The following ACP4 variants were observed in gnomAD, a reference collection of about 807,000 sequenced individuals.
ACP4 encodes testicular acid phosphatase.
ACP4 carries 49 observed loss-of-function variants against 47.3 expected under a neutral mutation model. The ratio of observed to expected loss-of-function variants is 1.04; its 90% CI spans 0.82 to 1.32. ACP4 has a LOEUF of 1.32. Ranked by LOEUF, ACP4 falls within the 40% of genes most tolerant of loss-of-function variation. The pLI is 0.00. For missense variants in ACP4, 594 were observed against 579.3 expected (o/e 1.03, Z -0.26); for synonymous variants, 299 against 265.3 (o/e 1.13, Z -1.23).
intron 6 of ACP4, chr19:50,793,401 G>T: frequency 2.4e-6 from 1 of 422,782 alleles, no homozygotes; most frequent in Non-Finnish European, 4.3e-6. Flanking sequence ...TGTAATCACA[G>T]CTACTTGGGA....
At chr19:50,793,371 C>A in intron 6 of ACP4, 1 of 304,174 alleles carries the variant, frequency 3.3e-6, no homozygotes, top group Admixed American at 4.6e-5. Flanking sequence ...AAAAATTAGC[C>A]AGGAATGGTG....
chr19:50,794,170 G>T (rs762444463), intron 8 of ACP4, among the ~76,000 whole-genome samples, 200 bp downstream of exon 8: 1 of 152,228 alleles, frequency 6.6e-6, no homozygotes, highest in Admixed American at 6.5e-5. Context: ...AAGAATTTAT[G>T]AATAAATATA....
Position 50,791,803 on chromosome 19 carries a change from G to A in ACP4, c.450+1G>A. ...CACGGTGCCCGTGGCTGAGGATAAG[G>A]TCAGGGGGCTGGACCCACGTGTGGC... On this transcript the variant is annotated splice_donor_variant, in intron 4 of 10. Coordinates refer to ENST00000270593, the MANE Select transcript of ACP4 (RefSeq NM_033068.3). LOFTEE classifies it high-confidence loss of function. The A allele has an allele frequency of 6.3e-7, 1 of 1,597,780 alleles. No individual in the cohort carries two copies. Among genetic ancestry groups the A allele is most frequent in the Non-Finnish European group, 8.5e-7 (1 of 1,171,892 alleles).
Position 50,794,513 on chromosome 19 carries a change from C to T in ACP4, c.918C>T (p.Thr306=), listed in dbSNP as rs1271656331. ...CCCTGGGCCTCTATGATGGACACAC[C>T]CCGCCATATGCTGCCTGCCTCGGCT... The part of the protein sequence containing the change: ...QGALGLYDGH[T]PPYAACLGFE... Residue 306 remains threonine, a synonymous_variant, in exon 9 of 11, where the codon ACC becomes ACT. Coordinates refer to ENST00000270593, the MANE Select transcript of ACP4 (RefSeq NM_033068.3). 3 of 1,613,944 alleles carry T rather than the reference C, an allele frequency of 1.9e-6. No homozygotes were observed. The highest frequency in any genetic ancestry group is 2.7e-5 in the African/African-American group (2 of 75,014).
At chr19:50,794,101 C>T in intron 8 of ACP4, 131 bp downstream of exon 8, 7 of 1,074,230 alleles carry the variant, frequency 6.5e-6, no homozygotes, top group Admixed American at 3.9e-5. Flanking sequence ...TATCTCCAAA[C>T]CCTACTCTCA....
rs749210657 is a variant in ACP4 at position 50,794,937 on chromosome 19, G to A, written c.1138G>A (p.Gly380Ser). 2 of 1,613,078 alleles carry A rather than the reference G, an allele frequency of 1.2e-6. No individual in the cohort carries two copies. Among genetic ancestry groups the A allele is most frequent in the African/African-American group, 2.7e-5 (2 of 74,922 alleles). The change falls in exon 10 of 11, where the codon GGC becomes AGC. Residue 380 changes from glycine to serine, a missense_variant. Coordinates refer to ENST00000270593, the MANE Select transcript of ACP4 (RefSeq NM_033068.3). ...TCCCGCCCATGGGGTCTCCTGCCAT[G>A]GCCCCTATGAGGCTGCCATCCCCCC... The part of the protein sequence containing the change: ...RPPAHGVSCH[G>S]PYEAAIPPAP...
chr19:50,790,657 G>A lies in ACP4; in HGVS notation c.175G>A (p.Ala59Thr). The A allele has an allele frequency of 6.8e-7, 1 of 1,470,554 alleles. No homozygotes were observed. Among genetic ancestry groups the A allele is most frequent in the Non-Finnish European group, 9.1e-7 (1 of 1,101,312 alleles). The allele number at this position is 1,470,554 out of a possible 1,614,324, so 91.1% of individuals were successfully genotyped here. The change falls in exon 2 of 11, where the codon GCC becomes ACC. Residue 59 changes from alanine (A) to threonine (T), a missense_variant. By Grantham distance (58) the Ala-to-Thr change is moderately conservative. Transcript: ENST00000270593. ...CCCCATGGACCCACACAAGGAGGTGGCCTCCACCCTGTGGCCACGAGGCCT... is the reference window on the plus strand; with the variant it reads ...CCCCATGGACCCACACAAGGAGGTGACCTCCACCCTGTGGCCACGAGGCCT... ...SYPMDPHKEV[A>T]STLWPRGLGQ...
At position 50,794,836 on chromosome 19, in the gene ACP4, T is replaced by C. The variant is rs769298249; in HGVS notation, c.1037T>C (p.Leu346Pro). The C allele has an allele frequency of 4.3e-6, 7 of 1,613,110 alleles. No individual in the cohort carries two copies. The highest frequency in any genetic ancestry group is 5.9e-6 in the Non-Finnish European group (7 of 1,179,636). The change falls in exon 10 of 11, where the codon CTG becomes CCG. Residue 346 changes from leucine to proline, a missense_variant. Transcript: ENST00000270593. ...CGCAATGACTCCGCCCACCTGCCCC[T>C]GCCTCTCAGCCTCCCCGGGTGCCCG... The part of the protein sequence containing the change: ...FYRNDSAHLP[L>P]PLSLPGCPAP...
chr19:50,792,019 T>C, intron 4 of ACP4, 54 bp from the exon 5 acceptor site: 1 of 1,516,118 alleles, frequency 6.6e-7, no homozygotes, highest in Non-Finnish European at 8.9e-7. Context: ...CGACCCGCTG[T>C]GAGACCCAAG....
Position 50,790,845 on chromosome 19 carries a change from G to A in ACP4, c.288G>A (p.Glu96=), listed in dbSNP as rs200279792. 639 of 1,548,082 alleles carry A rather than the reference G, an allele frequency of 4.1e-4. 1 individual carries two copies. Among genetic ancestry groups the A allele is most frequent in the South Asian group, 1.0e-3 (86 of 83,892 alleles). The part of the protein sequence containing the change: ...RSRYEAFLSP[E]YRREEVYIRS... ...GCTACGAGGCCTTCCTGAGTCCGGA[G>A]TACCGGCGGGAGGAGGTAGGGCCAT... The change falls in exon 3 of 11, where the codon GAG becomes GAA. Residue 96 remains glutamate (E), a synonymous_variant. Transcript: ENST00000270593.
At chr19:50,791,907 G>A (rs930283201) in intron 4 of ACP4, 105 bp downstream of exon 4, 3 of 1,479,208 alleles carry the variant, frequency 2.0e-6, no homozygotes, top group African/African-American at 2.8e-5. Context: ...GACTGTCCTC[G>A]AGCTGGTCTG....
Position 50,794,504 on chromosome 19 carries a change from T to C in ACP4, c.909T>C (p.Asp303=). 1.2e-6 allele frequency: 2 copies of C among 1,613,694 alleles called. No homozygotes were observed. The highest frequency in any genetic ancestry group is 1.7e-6 in the Non-Finnish European group (2 of 1,179,970). ...TCCAGGGGGCCCTGGGCCTCTATGA[T>C]GGACACACCCCGCCATATGCTGCCT... is the stretch of plus-strand genomic sequence containing the variant. ...LALQGALGLY[D]GHTPPYAACL... Residue 303 remains aspartate (D), a synonymous_variant, in exon 9 of 11, where the codon GAT becomes GAC. Coordinates refer to ENST00000270593, the MANE Select transcript of ACP4 (RefSeq NM_033068.3).
chr19:50,790,953 T>A (rs375922906), intron 3 of ACP4, 93 bp downstream of exon 3: 2 of 1,268,894 alleles, frequency 1.6e-6, no homozygotes, highest in African/African-American at 1.5e-5. Context: ...ACCTCTGGCC[T>A]TTGACCTCCA....
Position 50,791,689 on chromosome 19 carries a change from C to G in ACP4, c.337C>G (p.Leu113Val), listed in dbSNP as rs2089508540. The change falls in exon 4 of 11, where the codon CTG (leucine) becomes GTG (valine). Residue 113 changes from leucine (L) to valine (V), a missense_variant. Transcript: ENST00000270593. ...CCGCAGCACGGACTTTGACCGCACG[C>G]TGGAGAGTGCCCAGGCCAACCTTGC... Reference protein sequence around the residue: ...YIRSTDFDRTLESAQANLAGL... With the variant: ...YIRSTDFDRTVESAQANLAGL... 1 of 1,613,418 alleles carries G rather than the reference C, an allele frequency of 6.2e-7. No homozygotes were observed. The highest frequency in any genetic ancestry group is 1.7e-5 in the Admixed American group (1 of 60,034).
At position 50,795,160 on chromosome 19, in the gene ACP4, C is replaced by A; in HGVS notation, c.*2C>A. ...CGGGCCTTGGGGGGCCCCGTGTGAG[C>A]CAGAAACCAGGGCTTCCCTACCCCC... On this transcript the variant is annotated 3_prime_UTR_variant, in exon 11 of 11. Transcript: ENST00000270593. The A allele has an allele frequency of 6.5e-7, 1 of 1,537,372 alleles. No individual in the cohort carries two copies.
At chr19:50,793,630 G>T (rs980142021) in intron 6 of ACP4, 54 bp from the exon 7 acceptor site, 14 of 1,596,468 alleles carry the variant, frequency 8.8e-6, no homozygotes, top group Non-Finnish European at 1.2e-5. Context: ...GGCCTGCGGG[G>T]CCAGAGGCAA....
rs373226837 is a variant in ACP4, at chr19:50,792,075, G to A, written c.453G>A (p.Leu151=). ...VHTVPVAEDK[L]LRFPMRSCPR... ...CTCTGAGACTCAGTTTTCCCCAGCT[G>A]CTGAGGTTCCCCATGCGCAGCTGTC... Residue 151 remains leucine (L), a splice_region_variant and synonymous_variant, in exon 5 of 11, where the codon CTG becomes CTA. Coordinates refer to ENST00000270593, the MANE Select transcript of ACP4 (RefSeq NM_033068.3). The A allele has an allele frequency of 2.5e-6, 4 of 1,579,750 alleles. No homozygotes were observed. In the South Asian group the frequency reaches 4.6e-5, roughly 18 times the overall value.
chr19:50,791,928 G>A, intron 4 of ACP4, 126 bp downstream of exon 4: 1 of 1,450,522 alleles, frequency 6.9e-7, no homozygotes, highest in South Asian at 1.4e-5. Flanking sequence ...TCCAGACCAG[G>A]GTGAGCCCCG....
chr19:50,794,094 C>T, intron 8 of ACP4, 124 bp downstream of exon 8: 8 of 1,126,618 alleles, frequency 7.1e-6, no homozygotes, highest in Non-Finnish European at 9.2e-6. Flanking sequence ...TAACCCGTAT[C>T]TCCAAACCCT....
Sources: gnomAD v4.1 joint callset for allele counts (sites outside exome capture counted in the v4.1 genomes callset) on GRCh38, gnomAD v4.1.1 for gene constraint, MANE v1.5 for transcripts, NCBI Gene and HGNC (gene_info 2026-07-23, HGNC 2026-07-21) for gene names.